The following MUC5AC variants were observed in gnomAD, a reference collection of about 807,000 sequenced individuals.
The protein encoded by MUC5AC is mucin 5AC, oligomeric mucus/gel-forming.
Under a neutral mutation model 169.7 loss-of-function variants are expected in MUC5AC, and 158 were observed. The ratio of observed to expected loss-of-function variants is 0.93; its 90% CI spans 0.82 to 1.06. The LOEUF (loss-of-function observed/expected upper bound fraction) is 1.06, where lower values mean the gene tolerates loss of function less well. MUC5AC is among the 50% of genes least tolerant of loss of function. MUC5AC has a pLI of 0.00. For missense variants in MUC5AC, 4,359 were observed against 3,089.9 expected (o/e 1.41, Z -9.74); for synonymous variants, 1,975 against 1,237.0 (o/e 1.60, Z -12.52).
Position 1,164,228 on chromosome 11 carries a change from C to G in MUC5AC, c.912C>G (p.Leu304=), listed in dbSNP as rs1274218974. ...GCTTCTGTGAAGACACCGACCTGCT[C>G]AGCTGCGTCTGCCACACCCTTGCCG... is the stretch of plus-strand genomic sequence containing the variant. The part of the protein sequence containing the change: ...DLCFCEDTDL[L]SCVCHTLAEY... The change falls in exon 8 of 49, where the codon CTC becomes CTG. Residue 304 remains leucine, a synonymous_variant. Transcript: ENST00000621226. 1 of 1,612,556 alleles carries G rather than the reference C, an allele frequency of 6.2e-7. No individual in the cohort carries two copies. Among genetic ancestry groups the G allele is most frequent in the African/African-American group, 1.3e-5 (1 of 74,950 alleles).
Position 1,176,186 on chromosome 11 carries a change from A to T in MUC5AC, c.2437A>T (p.Asn813Tyr). Residue 813 changes from asparagine (N) to tyrosine (Y), a missense_variant, in exon 20 of 49, where the codon AAT becomes TAT. By Grantham distance (143) the Asn-to-Tyr change is moderately radical. Transcript: ENST00000621226. ...AAPMVFFDCR[N>Y]ATPGDTGAGC... ...GCCCATGGTGTTCTTTGACTGCCGA[A>T]ATGCCACGCCCGGGGACACAGGGGC... The T allele has an allele frequency of 2.5e-6, 1 of 398,650 alleles. No homozygotes were observed. Among genetic ancestry groups the T allele is most frequent in the Non-Finnish European group, 4.4e-6 (1 of 226,098 alleles). 24.7% of individuals were successfully genotyped at this position (398,650 alleles called of 1,614,324 possible).
At chr11:1,193,873 T>C (rs1590151042) in intron 33 of MUC5AC, among the ~76,000 whole-genome samples, 1 of 152,250 alleles carries the variant, frequency 6.6e-6, no homozygotes, top group African/African-American at 2.4e-5. Context: ...CGGAGCAGCC[T>C]GGCTGGAGAA....
Position 1,196,438 on chromosome 11 carries a change from C to T in MUC5AC, c.15688C>T (p.Pro5230Ser), listed in dbSNP as rs1474723038. Residue 5230 changes from proline to serine, a missense_variant, in exon 38 of 49, where the codon CCC becomes TCC. Physicochemically the swap from Pro to Ser is moderately conservative, Grantham distance 74. Coordinates refer to ENST00000621226, the MANE Select transcript of MUC5AC (RefSeq NM_001304359.2). Reference sequence around the variant, plus strand: ...GTACCAGCCCTGCGGCCCGAGCAACCCCTCCTACTGCTACGGGAATGACAG... The same window carrying T: ...GTACCAGCCCTGCGGCCCGAGCAACTCCTCCTACTGCTACGGGAATGACAG... ...KVYQPCGPSN[P>S]SYCYGNDSAS... 1.3e-6 allele frequency: 1 copy of T among 764,938 alleles called. No individual in the cohort carries two copies. Among genetic ancestry groups the T allele is most frequent in the Non-Finnish European group, 2.4e-6 (1 of 417,836 alleles). The allele number at this position is 764,938 out of a possible 1,614,324, so 47.4% of individuals were successfully genotyped here.
rs369036603 is a variant in MUC5AC at position 1,168,945 on chromosome 11, T to C, written c.1789T>C (p.Phe597Leu). The C allele has an allele frequency of 5.9e-5, 95 of 1,611,606 alleles. 1 individual carries two copies. The highest frequency in any genetic ancestry group is 5.7e-4 in the South Asian group (52 of 90,966). The change falls in exon 15 of 49, where the codon TTC (phenylalanine) becomes CTC (leucine). Residue 597 changes from phenylalanine to leucine, a missense_variant. Physicochemically the swap from Phe to Leu is conservative, Grantham distance 22. Coordinates refer to ENST00000621226, the MANE Select transcript of MUC5AC (RefSeq NM_001304359.2). ...GVVEATAAAF[F>L]NTFKTQAACP... Reference sequence around the variant, plus strand: ...GGTGGAGGCCACCGCTGCGGCCTTCTTCAACACCTTCAAGACCCAGGCCGC... The same window carrying C: ...GGTGGAGGCCACCGCTGCGGCCTTCCTCAACACCTTCAAGACCCAGGCCGC...
chr11:1,185,414 C>G lies in MUC5AC; in HGVS notation c.7269C>G (p.Ala2423=). The G allele has an allele frequency of 1.4e-6, 1 of 723,868 alleles. No individual in the cohort carries two copies. The highest frequency in any genetic ancestry group is 2.6e-5 in the East Asian group (1 of 38,994). 44.8% of individuals were successfully genotyped at this position (723,868 alleles called of 1,614,324 possible). Residue 2423 remains alanine, a synonymous_variant, in exon 31 of 49, where the codon GCC becomes GCG. Coordinates refer to ENST00000621226, the MANE Select transcript of MUC5AC (RefSeq NM_001304359.2). ...CTCCTACAACCAGCACAACCTCTGC[C>G]CCTACAAGCAGCACAACCTCCAGTC... ...TSAPTTSTTS[A]PTSSTTSSPQ...
chr11:1,162,082 G>A lies in MUC5AC; in HGVS notation c.387G>A (p.Ala129=), dbSNP rs374718034. ...AGCTACGCCGCAGCCAGGAGTCAGC[G>A]GCCCCCACGCTGAGCAGGGTCCTCA... is the stretch of plus-strand genomic sequence containing the variant. ...NIQLRRSQES[A]APTLSRVLMK... Residue 129 remains alanine, a synonymous_variant, in exon 4 of 49, where the codon GCG becomes GCA. Transcript: ENST00000621226. The A allele has an allele frequency of 5.0e-5, 80 of 1,612,470 alleles. No homozygotes were observed. The highest frequency in any genetic ancestry group is 2.4e-4 in the African/African-American group (18 of 74,936).
Position 1,181,260 on chromosome 11 carries a change from C to T in MUC5AC, c.3821-11C>T, listed in dbSNP as rs878929539. 225,844 of 398,226 alleles carry T rather than the reference C, an allele frequency of 0.57. 65,759 individuals are homozygous for T. Among genetic ancestry groups the T allele is most frequent in the Middle Eastern group, 0.65 (1,037 of 1,588 alleles). 24.7% of individuals were successfully genotyped at this position (398,226 alleles called of 1,614,324 possible). A position where few individuals can be genotyped will look rare whatever the true frequency, so the allele number is the denominator to read the frequency against. ...CAGCCTCTGACGGGCCTGGGCCCTC[C>T]GTCCCCATAGCCTGTGTCTGCACCT... On this transcript the variant is annotated splice_polypyrimidine_tract_variant and intron_variant, in intron 29 of 48. Coordinates refer to ENST00000621226, the MANE Select transcript of MUC5AC (RefSeq NM_001304359.2).
At chr11:1,164,347 A>C in intron 8 of MUC5AC, 28 bp downstream of exon 8, 1 of 1,611,374 alleles carries the variant, frequency 6.2e-7, no homozygotes, top group Non-Finnish European at 8.5e-7. Flanking sequence ...CTGTCCCCCA[A>C]CCCCTTTGGC....
chr11:1,180,635 G>A, intron 28 of MUC5AC, 119 bp downstream of exon 28: 1 of 398,036 alleles, frequency 2.5e-6, no homozygotes, highest in Non-Finnish European at 4.4e-6. Flanking sequence ...TACTGGAGTT[G>A]AAGCTTGGGT....
In MUC5AC at chr11:1,176,759, G is replaced by A. The variant is rs893890000; in HGVS notation, c.2654+94G>A. 6.3e-5 allele frequency: 25 copies of A among 398,480 alleles called. No individual in the cohort carries two copies. The South Asian group carries it at 1.0e-3, about 16-fold the overall frequency. 24.7% of individuals were successfully genotyped at this position (398,480 alleles called of 1,614,324 possible). On this transcript the variant is annotated intron_variant, in intron 21 of 48. Transcript: ENST00000621226. ...GGCGAGCCCCCAGCACAGGGGTCCC[G>A]GGAAAACGCAGGGCACAGACTCAGG...
In MUC5AC at chr11:1,196,011, C is replaced by A. The variant is rs758580098; in HGVS notation, c.15594C>A (p.His5198Gln). 1 of 764,904 alleles carries A rather than the reference C, an allele frequency of 1.3e-6. No homozygotes were observed. Among genetic ancestry groups the A allele is most frequent in the South Asian group, 1.3e-5 (1 of 74,606 alleles). 47.4% of individuals were successfully genotyped at this position (764,904 alleles called of 1,614,324 possible). A position where few individuals can be genotyped will look rare whatever the true frequency, so the allele number is the denominator to read the frequency against. ...LELYAALCASHDICIDWRGRT... is the reference protein window; with the variant it reads ...LELYAALCASQDICIDWRGRT... ...TGTACGCGGCACTCTGTGCGTCCCA[C>A]GACATCTGCATCGATTGGAGAGGCC... is the stretch of plus-strand genomic sequence containing the variant. Residue 5198 changes from histidine (H) to glutamine (Q), a missense_variant, in exon 37 of 49, where the codon CAC becomes CAA. Physicochemically the swap from His to Gln is conservative, Grantham distance 24. Transcript: ENST00000621226.
intron 6 of MUC5AC, 128 bp from the exon 7 acceptor site, chr11:1,163,754 G>T: frequency 1.4e-6 from 1 of 709,000 alleles, no homozygotes; most frequent in Non-Finnish European, 2.4e-6. Context: ...CATCCAGATG[G>T]GGCAGGAGCC....
At position 1,172,819 on chromosome 11, in the gene MUC5AC, C is replaced by T. The variant is rs973104156; in HGVS notation, c.1965+296C>T. On this transcript the variant is annotated intron_variant, in intron 16 of 48. Transcript: ENST00000621226. ...TCACTCACCCATTCACCCATTTACC[C>T]ACTCACCCATTCACTCACTCACCCA... is the stretch of plus-strand genomic sequence containing the variant. Among the ~76,000 whole-genome samples, 4 of 151,900 alleles carry T rather than the reference C, an allele frequency of 2.6e-5. No homozygotes were observed. The East Asian group carries it at 7.7e-4, about 29-fold the overall frequency.
chr11:1,169,922 CCATT>C (rs1860450283), intron 15 of MUC5AC, among the ~76,000 whole-genome samples: 1 of 135,858 alleles, frequency 7.4e-6, no homozygotes, highest in African/African-American at 2.8e-5. Context: ...ACCCATTCAC[CCATT>C]CACTCACTCG....
intron 16 of MUC5AC, among the ~76,000 whole-genome samples, chr11:1,172,760 A>G (rs879107859): frequency 0.17 from 26,006 of 149,680 alleles, 2,441 homozygotes; most frequent in Non-Finnish European, 0.2. Context: ...CCATTCACCT[A>G]CTCACTCACC....
At chr11:1,169,840 A>C (rs1860446882) in intron 15 of MUC5AC, among the ~76,000 whole-genome samples, 1 of 130,298 alleles carries the variant, frequency 7.7e-6, no homozygotes, top group African/African-American at 3.0e-5. Context: ...CCACTCACTC[A>C]CCCACTCACC....
rs1260597572 is a variant in MUC5AC, at chr11:1,157,982, TTCCCCGCCG to T, written c.-14_-6del. The T allele has an allele frequency of 1.3e-6, 2 of 1,570,074 alleles. No homozygotes were observed. Among genetic ancestry groups the T allele is most frequent in the Non-Finnish European group, 1.7e-6 (2 of 1,157,606 alleles). On this transcript the variant is annotated 5_prime_UTR_variant, in exon 1 of 49. Coordinates refer to ENST00000621226, the MANE Select transcript of MUC5AC (RefSeq NM_001304359.2). ...GAGGCTGCTGAGGGACAGGGCACTC[TTCCCCGCCG>T]TCCACACAATGAGTGTTGGCCGGAG... is the stretch of plus-strand genomic sequence containing the variant.
At chr11:1,159,775 T>TG (rs1860079522) in intron 1 of MUC5AC, among the ~76,000 whole-genome samples, 1 of 91,098 alleles carries the variant, frequency 1.1e-5, no homozygotes, top group African/African-American at 4.0e-5. Context: ...TGTGCGGGGC[T>TG]GGGGTCTGGT....
Position 1,177,296 on chromosome 11 carries a change from C to T in MUC5AC, c.2859C>T (p.Cys953=), listed in dbSNP as rs1017102192. 6.1e-5 allele frequency: 28 copies of T among 455,764 alleles called. No individual in the cohort carries two copies. The highest frequency in any genetic ancestry group is 4.8e-4 in the African/African-American group (24 of 50,284). 28.2% of individuals were successfully genotyped at this position (455,764 alleles called of 1,614,324 possible). Residue 953 remains cysteine, a synonymous_variant, in exon 23 of 49, where the codon TGC becomes TGT. Coordinates refer to ENST00000621226, the MANE Select transcript of MUC5AC (RefSeq NM_001304359.2). ...GTGTTGTCACCGAGAACGTCCCCTG[C>T]GGCACCACAGGGACCACCTGCTCCA... ...SFRVVTENVP[C]GTTGTTCSKA...
Sources: allele counts gnomAD v4.1 joint callset (sites outside exome capture counted in the v4.1 genomes callset), GRCh38; gene constraint gnomAD v4.1.1; transcripts MANE v1.5; gene names NCBI Gene and HGNC (gene_info 2026-07-23, HGNC 2026-07-21).